The following KREMEN1 variants were observed in gnomAD, a reference collection of about 807,000 sequenced individuals.
KREMEN1 encodes kremen protein 1.
A neutral mutation model predicts 46.5 loss-of-function variants in KREMEN1; 30 were observed. That is an observed-to-expected ratio of 0.65 (90% CI 0.48 to 0.88). The LOEUF (loss-of-function observed/expected upper bound fraction) is 0.88, where lower values mean the gene tolerates loss of function less well. Ranked by LOEUF, KREMEN1 falls within the 40% of genes least tolerant of loss-of-function variation. The pLI, the probability that KREMEN1 is intolerant of heterozygous loss-of-function variation, is 0.00. For missense variants in KREMEN1, 533 were observed against 596.9 expected (o/e 0.89, Z 1.11); for synonymous variants, 214 against 230.6 (o/e 0.93, Z 0.65).
At chr22:29,099,013 A>C (rs2037931150) in intron 3 of KREMEN1, 60 bp downstream of exon 3, 1 of 1,296,752 alleles carries the variant, frequency 7.7e-7, no homozygotes, top group Non-Finnish European at 1.1e-6. Context: ...GAGTGCGTAG[A>C]GGGAGGCCCC....
chr22:29,105,463 G>GCACACA (rs1181636900), intron 3 of KREMEN1, among the ~76,000 whole-genome samples: 5 of 112,880 alleles, frequency 4.4e-5, no homozygotes, highest in South Asian at 3.2e-4. Context: ...GTGCGTGTGC[G>GCACACA]CACACACACA....
chr22:29,138,812 G>T, intron 7 of KREMEN1, 30 bp downstream of exon 7: 1 of 1,614,212 alleles, frequency 6.2e-7, no homozygotes, highest in South Asian at 1.1e-5. Context: ...ACCCATGGGG[G>T]CTGGAAGCCA....
chr22:29,088,560 T>C (rs1367927389), intron 1 of KREMEN1, among the ~76,000 whole-genome samples: 1 of 152,054 alleles, frequency 6.6e-6, no homozygotes, highest in Non-Finnish European at 1.5e-5. Flanking sequence ...GAACTCTTGA[T>C]ATCAAGTGAT....
At chr22:29,135,693 GAC>G (rs2038646949) in intron 5 of KREMEN1, among the ~76,000 whole-genome samples, 1 of 152,142 alleles carries the variant, frequency 6.6e-6, no homozygotes, top group Admixed American at 6.5e-5. Flanking sequence ...CCTAAGCTGA[GAC>G]ACTAGCCCAC....
intron 3 of KREMEN1, among the ~76,000 whole-genome samples, chr22:29,120,653 T>TGCTGACGGAAACAGAGGAAGGAGG (rs1556010291): frequency 1.8e-4 from 7 of 38,238 alleles, no homozygotes; most frequent in East Asian, 6.8e-3. Context: ...AAACAGAGGG[T>TGCTGACGGAAACAGAGGAAGGAGG]GAAATGGTGC....
In KREMEN1 at chr22:29,137,683, T is replaced by G. The variant is rs1192568728; in HGVS notation, c.964+9T>G. On this transcript the variant is annotated intron_variant, in intron 6 of 8. Transcript: ENST00000400335. ...TGCTGTTTTATACCAAGGTAAGACA[T>G]CTTTGCCTCCTTGGGGGTTCTTCAG... The G allele has an allele frequency of 6.3e-7, 1 of 1,576,674 alleles. No individual in the cohort carries two copies. The highest frequency in any genetic ancestry group is 8.7e-7 in the Non-Finnish European group (1 of 1,151,250).
At chr22:29,166,862 G>C (rs10427585) in intron 9 of KREMEN1, among the ~76,000 whole-genome samples, 7,678 of 152,238 alleles carry the variant, frequency 0.05, 270 homozygotes, top group East Asian at 0.11. Context: ...GAGTCCAAGA[G>C]TTTGAGGCTG....
chr22:29,161,331 C>T (rs2039008603), intron 9 of KREMEN1, among the ~76,000 whole-genome samples: 1 of 151,764 alleles, frequency 6.6e-6, no homozygotes, highest in African/African-American at 2.4e-5. Context: ...CATGATGAAA[C>T]CCCGTCTGTA....
chr22:29,077,904 T>G (rs2037597084), intron 1 of KREMEN1, among the ~76,000 whole-genome samples: 1 of 152,182 alleles, frequency 6.6e-6, no homozygotes, highest in Admixed American at 6.5e-5. Flanking sequence ...CTACAATTTT[T>G]TTTTAAAAAG....
chr22:29,161,136 C>T (rs2039006122), intron 9 of KREMEN1, among the ~76,000 whole-genome samples: 5 of 152,104 alleles, frequency 3.3e-5, no homozygotes, highest in Admixed American at 3.3e-4. Flanking sequence ...TAGATAAATT[C>T]CTGGAAACAC....
intron 3 of KREMEN1, among the ~76,000 whole-genome samples, chr22:29,117,299 A>G (rs1978046): frequency 0.5 from 76,582 of 152,042 alleles, 20,091 homozygotes; most frequent in East Asian, 0.91. Flanking sequence ...CGGGCGCAGT[A>G]GCTCACGCCT....
chr22:29,157,371 C>G (rs1228883413), intron 9 of KREMEN1, among the ~76,000 whole-genome samples: 2 of 152,200 alleles, frequency 1.3e-5, no homozygotes, highest in Non-Finnish European at 2.9e-5. Context: ...GAGTCTCGCT[C>G]TTGTTGCCCA....
chr22:29,130,832 C>G (rs1393840280), intron 5 of KREMEN1, among the ~76,000 whole-genome samples: 1 of 152,178 alleles, frequency 6.6e-6, no homozygotes, highest in Non-Finnish European at 1.5e-5. Flanking sequence ...CTCCACTCAC[C>G]CAGATTGTAT....
intron 3 of KREMEN1, among the ~76,000 whole-genome samples, chr22:29,101,398 T>G (rs1048920127): frequency 2.6e-5 from 4 of 152,142 alleles, no homozygotes; most frequent in Non-Finnish European, 5.9e-5. Context: ...AAAAAAGTTA[T>G]AGTAAGCTAA....
chr22:29,118,863 T>TC (rs2038286144), intron 3 of KREMEN1, among the ~76,000 whole-genome samples: 1 of 151,788 alleles, frequency 6.6e-6, no homozygotes, highest in African/African-American at 2.4e-5. Context: ...CACCTGGGGG[T>TC]CCTACAATTA....
At chr22:29,116,891 C>G (rs1209958304) in intron 3 of KREMEN1, among the ~76,000 whole-genome samples, 1 of 152,204 alleles carries the variant, frequency 6.6e-6, no homozygotes, top group Non-Finnish European at 1.5e-5. Flanking sequence ...CCCTCCACCC[C>G]CAACACTGGA....
intron 1 of KREMEN1, among the ~76,000 whole-genome samples, chr22:29,082,202 A>G (rs1196623840): frequency 6.6e-6 from 1 of 151,948 alleles, no homozygotes; most frequent in East Asian, 1.9e-4. Context: ...TATAAAATTC[A>G]TATTTTTATT....
chr22:29,140,221 G>C (rs566100634), intron 7 of KREMEN1, 61 bp from the exon 8 acceptor site: 6 of 1,342,158 alleles, frequency 4.5e-6, no homozygotes, highest in Admixed American at 1.7e-5. Flanking sequence ...TATTCCAGCC[G>C]ACCTCCTTTC....
At position 29,077,899 on chromosome 22, in the gene KREMEN1, A is replaced by AT. The variant is rs959773343; in HGVS notation, c.97+4681dup. Among the ~76,000 whole-genome samples, 12 of 152,164 alleles carry AT rather than the reference A, an allele frequency of 7.9e-5. No individual in the cohort carries two copies. In the East Asian group the frequency reaches 1.2e-3, roughly 15 times the overall value. On this transcript the variant is annotated intron_variant, in intron 1 of 8. Transcript: ENST00000400335. ...CATTTTATGTTAATATTTTACTACA[A>AT]TTTTTTTTTAAAAAGATACGTATGG...
Sources: allele counts gnomAD v4.1 joint callset (sites outside exome capture counted in the v4.1 genomes callset), GRCh38; gene constraint gnomAD v4.1.1; transcripts MANE v1.5; gene names NCBI Gene and HGNC (gene_info 2026-07-23, HGNC 2026-07-21).